GFRA3: variants seen among roughly 807,000 people sequenced by gnomAD.
GFRA3 encodes GDNF family receptor alpha-3.
A neutral mutation model predicts 40.0 loss-of-function variants in GFRA3; 24 were observed. That is an observed-to-expected ratio of 0.60 (90% CI 0.43 to 0.84). The LOEUF (loss-of-function observed/expected upper bound fraction) is 0.84, where lower values mean the gene tolerates loss of function less well. GFRA3 is among the 40% of genes least tolerant of loss of function. The pLI, the probability that GFRA3 is intolerant of heterozygous loss-of-function variation, is 0.00. For synonymous variants in GFRA3, 203 were observed against 213.5 expected, an observed-to-expected ratio of 0.95 and a Z score of 0.43; for missense variants, 405 against 530.6, an observed-to-expected ratio of 0.76 and a Z score of 2.33.
intron 1 of GFRA3, among the ~76,000 whole-genome samples, chr5:138,271,831 G>C (rs915528416): frequency 2.1e-5 from 3 of 145,762 alleles, no homozygotes; most frequent in Non-Finnish European, 4.5e-5. Flanking sequence ...ACCCACCTTG[G>C]CCTCCCAAAA....
At chr5:138,256,561 A>T (rs1214917650) in intron 4 of GFRA3, among the ~76,000 whole-genome samples, 1 of 151,800 alleles carries the variant, frequency 6.6e-6, no homozygotes, top group Non-Finnish European at 1.5e-5. Context: ...AAACAAAAAA[A>T]AAAACAAAAC....
intron 1 of GFRA3, among the ~76,000 whole-genome samples, chr5:138,266,438 A>C (rs1309457642): frequency 6.6e-6 from 1 of 152,168 alleles, no homozygotes; most frequent in East Asian, 1.9e-4. Context: ...TGTTGAGCAT[A>C]TTTTTATGTG....
At chr5:138,272,953 A>C (rs766837797) in intron 1 of GFRA3, among the ~76,000 whole-genome samples, 2 of 152,222 alleles carry the variant, frequency 1.3e-5, no homozygotes, top group Non-Finnish European at 2.9e-5. Context: ...CTCAGGGCAC[A>C]AGATCCTCAT....
chr5:138,263,798 C>G (rs1158199200), intron 2 of GFRA3, among the ~76,000 whole-genome samples: 4 of 152,188 alleles, frequency 2.6e-5, no homozygotes, highest in African/African-American at 7.2e-5. Flanking sequence ...GAGTGACAAG[C>G]AGCTCCTCTT....
chr5:138,253,659 T>C, intron 6 of GFRA3, 107 bp downstream of exon 6: 1 of 1,022,048 alleles, frequency 9.8e-7, no homozygotes, highest in South Asian at 1.5e-5. Flanking sequence ...CTGCTCTGTT[T>C]GGTGGAGATG....
chr5:138,264,275 C>T lies in GFRA3; in HGVS notation c.365G>A (p.Arg122His), dbSNP rs201874513. The part of the protein sequence containing the change: ...ACLDIYWTVH[R>H]ARSLGNYELD... ...GGGAGCCTCACCAAGGCTGCGGGCA[C>T]GGTGAACGGTCCAATAGATGTCCAA... The change falls in exon 2 of 8, where the codon CGT becomes CAT. Residue 122 changes from arginine (R) to histidine (H), a missense_variant. Arg to His is a conservative substitution (Grantham distance 29, BLOSUM62 0). Coordinates refer to ENST00000274721, the MANE Select transcript of GFRA3 (RefSeq NM_001496.4). The T allele has an allele frequency of 3.2e-4, 509 of 1,597,960 alleles. 1 individual carries two copies. The highest frequency in any genetic ancestry group is 2.9e-3 in the East Asian group (128 of 44,390).
chr5:138,261,693 C>CAAAAA (rs70979598), intron 2 of GFRA3, among the ~76,000 whole-genome samples: 115 of 45,848 alleles, frequency 2.5e-3, no homozygotes, highest in Middle Eastern at 0.012. Context: ...GACTCTGTCT[C>CAAAAA]AAAAAAAAAA....
chr5:138,266,793 T>G (rs1294760492), intron 1 of GFRA3, among the ~76,000 whole-genome samples: 1 of 152,006 alleles, frequency 6.6e-6, no homozygotes, highest in Non-Finnish European at 1.5e-5. Flanking sequence ...GCGATTCTCC[T>G]GCCTCAGCCT....
intron 2 of GFRA3, among the ~76,000 whole-genome samples, chr5:138,262,994 T>C (rs1295495709): frequency 6.6e-6 from 1 of 152,154 alleles, no homozygotes; most frequent in African/African-American, 2.4e-5. Flanking sequence ...AGACAGAGTC[T>C]CGCTCTGTCG....
chr5:138,253,197 C>T, intron 7 of GFRA3, 90 bp downstream of exon 7: 1 of 918,792 alleles, frequency 1.1e-6, no homozygotes, highest in South Asian at 1.4e-5. Flanking sequence ...AGGAGGTCAG[C>T]CCCTCGCCTC....
intron 1 of GFRA3, 44 bp from the exon 2 acceptor site, chr5:138,264,592 G>A: frequency 3.0e-6 from 4 of 1,341,636 alleles, no homozygotes; most frequent in South Asian, 1.4e-5. Flanking sequence ...GATTAGAATA[G>A]CTGTCTGGGA....
chr5:138,266,460 T>C (rs982199206), intron 1 of GFRA3, among the ~76,000 whole-genome samples: 1 of 152,202 alleles, frequency 6.6e-6, no homozygotes, highest in Non-Finnish European at 1.5e-5. Flanking sequence ...TTGTTAGCCA[T>C]TTGTACATCT....
At chr5:138,269,642 G>C (rs1292192804) in intron 1 of GFRA3, among the ~76,000 whole-genome samples, 2 of 151,612 alleles carry the variant, frequency 1.3e-5, no homozygotes, top group Non-Finnish European at 1.5e-5. Flanking sequence ...AAGAGATTGA[G>C]ACCATCCTGG....
At chr5:138,261,715 A>AG (rs1445380861) in intron 2 of GFRA3, among the ~76,000 whole-genome samples, 3 of 150,906 alleles carry the variant, frequency 2.0e-5, no homozygotes, top group Non-Finnish European at 3.0e-5. Context: ...AAAAAAAAAA[A>AG]AAGAAGAAGA....
At chr5:138,268,384 C>T (rs995177346) in intron 1 of GFRA3, among the ~76,000 whole-genome samples, 2 of 131,584 alleles carry the variant, frequency 1.5e-5, no homozygotes, top group Admixed American at 8.2e-5. Context: ...GCAAAGATTT[C>T]ATGACCAAAA....
chr5:138,273,184 C>T (rs974027810), intron 1 of GFRA3, among the ~76,000 whole-genome samples: 9 of 152,148 alleles, frequency 5.9e-5, no homozygotes, highest in African/African-American at 2.2e-4. Context: ...AGGCCCTGAG[C>T]AATGATATTT....
chr5:138,260,537 G>A (rs1755695240), intron 2 of GFRA3, among the ~76,000 whole-genome samples: 1 of 152,232 alleles, frequency 6.6e-6, no homozygotes. Context: ...GGGAGGCCTA[G>A]GCGGGTAGAT....
intron 4 of GFRA3, among the ~76,000 whole-genome samples, chr5:138,256,924 G>A (rs1755639567): frequency 7.0e-6 from 1 of 143,188 alleles, no homozygotes; most frequent in Admixed American, 7.3e-5. Flanking sequence ...TCCAGCCTGG[G>A]TGACAGAAGG....
At chr5:138,270,749 G>A (rs1338455287) in intron 1 of GFRA3, among the ~76,000 whole-genome samples, 1 of 152,002 alleles carries the variant, frequency 6.6e-6, no homozygotes, top group African/African-American at 2.4e-5. Context: ...TAGGAAATAT[G>A]TATTTCCAAA....
Sources: gnomAD v4.1 joint callset for allele counts (sites outside exome capture counted in the v4.1 genomes callset) on GRCh38, gnomAD v4.1.1 for gene constraint, MANE v1.5 for transcripts, NCBI Gene and HGNC (gene_info 2026-07-23, HGNC 2026-07-21) for gene names.